Variants in AGBL1 observed in about 807,000 individuals in gnomAD.
AGBL1 encodes the protein cytosolic carboxypeptidase 4.
A neutral mutation model predicts 118.9 loss-of-function variants in AGBL1; 130 were observed. The observed-to-expected ratio is 1.09, with a 90% CI of 0.95 to 1.26. The LOEUF is 1.26. AGBL1 is among the 50% of genes most tolerant of loss of function. The pLI is 0.00. For missense variants in AGBL1, 1,584 were observed against 1,298.1 expected (o/e 1.22, Z -3.38); for synonymous variants, 555 against 478.9 (o/e 1.16, Z -2.08).
intron 17 of AGBL1, among the ~76,000 whole-genome samples, chr15:86,309,547 A>G (rs970219202): frequency 3.3e-5 from 5 of 152,116 alleles, no homozygotes; most frequent in Admixed American, 2.0e-4. Flanking sequence ...TGGGCTTGTC[A>G]TATTTGGCCT....
intron 18 of AGBL1, among the ~76,000 whole-genome samples, chr15:86,427,973 G>C (rs1464043885): frequency 2.6e-5 from 4 of 152,094 alleles, no homozygotes; most frequent in Admixed American, 2.6e-4. Flanking sequence ...TACAAAATGG[G>C]ATAGATCTTA....
chr15:86,882,118 T>C (rs2079901734), intron 22 of AGBL1, among the ~76,000 whole-genome samples: 1 of 152,122 alleles, frequency 6.6e-6, no homozygotes, highest in Non-Finnish European at 1.5e-5. Context: ...CCTGCAAAAA[T>C]TCGCGGTCTA....
intron 21 of AGBL1, among the ~76,000 whole-genome samples, chr15:86,592,273 A>C (rs2084347593): frequency 2.0e-5 from 3 of 152,238 alleles, no homozygotes; most frequent in African/African-American, 7.2e-5. Flanking sequence ...ACGGGTCTGC[A>C]GCAAACTCGA....
rs541939277 is a variant in AGBL1 at position 86,455,432 on chromosome 15, A to C, written c.2555+57886A>C. Among the ~76,000 whole-genome samples, 25 of 152,246 alleles carry C rather than the reference A, an allele frequency of 1.6e-4. 1 individual carries two copies. The South Asian group carries it at 4.8e-3, about 29-fold the overall frequency. Reference sequence around the variant, plus strand: ...CAGGCTTTCCATTAAATTAAAATTCAATTTAATGCAAGATATCCTGCTTCC... The same window carrying C: ...CAGGCTTTCCATTAAATTAAAATTCCATTTAATGCAAGATATCCTGCTTCC... On this transcript the variant is annotated intron_variant, in intron 18 of 22. Transcript: ENST00000614907.
intron 22 of AGBL1, among the ~76,000 whole-genome samples, chr15:86,803,225 T>A (rs1256444294): frequency 6.6e-6 from 1 of 152,094 alleles, no homozygotes. Flanking sequence ...ATGGGGGTTG[T>A]TTCTCCCGTG....
At chr15:86,659,361 G>C (rs562436376) in intron 21 of AGBL1, among the ~76,000 whole-genome samples, 1 of 152,294 alleles carries the variant, frequency 6.6e-6, no homozygotes, top group East Asian at 1.9e-4. Flanking sequence ...TTGAAGCCGG[G>C]AGACTTTTGG....
chr15:86,870,160 C>G (rs530304142), intron 22 of AGBL1, among the ~76,000 whole-genome samples: 1 of 152,072 alleles, frequency 6.6e-6, no homozygotes, highest in Non-Finnish European at 1.5e-5. Flanking sequence ...GTTAAATTGT[C>G]TTAAGATCAT....
chr15:86,541,896 A>G (rs565319480), intron 19 of AGBL1, among the ~76,000 whole-genome samples: 1 of 152,304 alleles, frequency 6.6e-6, no homozygotes, highest in African/African-American at 2.4e-5. Flanking sequence ...CCCAAAAAGA[A>G]ATAGCTTGCA....
chr15:86,302,640 G>T (rs999227065), intron 17 of AGBL1, among the ~76,000 whole-genome samples: 7 of 151,966 alleles, frequency 4.6e-5, no homozygotes, highest in Non-Finnish European at 8.8e-5. Flanking sequence ...TGAGCCGAAT[G>T]TGGTGGCACG....
At chr15:86,859,890 A>G (rs2079537182) in intron 22 of AGBL1, among the ~76,000 whole-genome samples, 1 of 152,170 alleles carries the variant, frequency 6.6e-6, no homozygotes, top group African/African-American at 2.4e-5. Context: ...ACCTTGGACA[A>G]CTTAAAGATA....
intron 23 of AGBL1, among the ~76,000 whole-genome samples, chr15:86,957,860 C>A (rs1025995912): frequency 6.6e-6 from 1 of 151,774 alleles, no homozygotes; most frequent in Admixed American, 6.6e-5. Flanking sequence ...CTCTAAAATT[C>A]GTATGGAATA....
At chr15:86,441,764 A>G (rs2082067301) in intron 18 of AGBL1, among the ~76,000 whole-genome samples, 1 of 152,216 alleles carries the variant, frequency 6.6e-6, no homozygotes, top group Non-Finnish European at 1.5e-5. Flanking sequence ...ATAATAATGG[A>G]GTTGGCAGCA....
At chr15:86,360,619 ATTC>A (rs1297349499) in intron 17 of AGBL1, among the ~76,000 whole-genome samples, 1 of 151,900 alleles carries the variant, frequency 6.6e-6, no homozygotes. Context: ...ACTGGTTTTA[ATTC>A]TTCTTTGAAT....
At chr15:86,430,178 A>G (rs1008385434) in intron 18 of AGBL1, among the ~76,000 whole-genome samples, 6 of 152,166 alleles carry the variant, frequency 3.9e-5, no homozygotes, top group African/African-American at 1.2e-4. Flanking sequence ...TTTACTAAGC[A>G]CCTTAAAGCA....
rs888535768 is a variant in AGBL1, at chr15:86,365,060, C to CAT, written c.2375-32296_2375-32295dup. ...ATATATATACACACATATATATACA[C>CAT]ATATATATATACACACACACATATA... On this transcript the variant is annotated intron_variant, in intron 17 of 22. Coordinates refer to ENST00000614907, the MANE Select transcript of AGBL1 (RefSeq NM_001386094.1). Among the ~76,000 whole-genome samples the CAT allele has an allele frequency of 7.5e-5, 11 of 146,358 alleles. No homozygotes were observed. The South Asian group carries it at 1.3e-3, about 17-fold the overall frequency.
At position 87,015,631 on chromosome 15, in the gene AGBL1, T is replaced by G. The variant is rs535044340; in HGVS notation, c.3324-13194T>G. On this transcript the variant is annotated intron_variant, in intron 24 of 24. Transcript: ENST00000441037. ...ATGGTTTAGTGGAGGGAAACAGATG[T>G]GCATAAATAAATCTATTTATCTCCT... 9.9e-5 allele frequency among the ~76,000 whole-genome samples: 15 copies of G among 152,276 alleles called. No homozygotes were observed. In the South Asian group the frequency reaches 2.1e-3, roughly 21 times the overall value.
chr15:86,591,660 G>A (rs906270943), intron 21 of AGBL1, among the ~76,000 whole-genome samples: 5 of 152,070 alleles, frequency 3.3e-5, no homozygotes, highest in African/African-American at 1.2e-4. Context: ...TCTCTAGGTG[G>A]GCCACCTTCC....
chr15:86,483,882 T>C (rs1052503461), intron 18 of AGBL1, among the ~76,000 whole-genome samples: 2 of 152,168 alleles, frequency 1.3e-5, no homozygotes, highest in African/African-American at 4.8e-5. Flanking sequence ...AATACTGTTA[T>C]GATCTCCTCA....
At chr15:86,563,059 A>G (rs1425414587) in intron 21 of AGBL1, among the ~76,000 whole-genome samples, 6 of 151,962 alleles carry the variant, frequency 3.9e-5, no homozygotes, top group Non-Finnish European at 4.4e-5. Context: ...TCTTGCTAGC[A>G]GTCTATCAAT....
Sources: gnomAD v4.1 joint callset for allele counts (sites outside exome capture counted in the v4.1 genomes callset) on GRCh38, gnomAD v4.1.1 for gene constraint, MANE v1.5 for transcripts, NCBI Gene and HGNC (gene_info 2026-07-23, HGNC 2026-07-21) for gene names.